Variants in GLIS1 observed in about 807,000 individuals in gnomAD.
The protein encoded by GLIS1 is GLIS family zinc finger 1.
In GLIS1, 24 loss-of-function variants were observed where a neutral mutation model predicts 63.8. The ratio of observed to expected loss-of-function variants is 0.38; its 90% CI spans 0.27 to 0.53. GLIS1 has a LOEUF of 0.53. Ranked by LOEUF, GLIS1 falls within the 20% of genes least tolerant of loss-of-function variation. GLIS1 has a pLI of 0.85. For synonymous variants in GLIS1, 450 were observed against 482.5 expected (o/e 0.93, Z 0.88); for missense variants, 1,036 against 1,074.1 (o/e 0.96, Z 0.50).
chr1:53,600,287 A>G lies in GLIS1; in HGVS notation c.260-9T>C. ...TCCGTAGCTCCCATTCACTAGGCAG[A>G]GAAAGACAGGGAGAGAGGGACACAG... On this transcript the variant is annotated splice_polypyrimidine_tract_variant and intron_variant, in intron 2 of 10. Coordinates refer to ENST00000628545, the MANE Select transcript of GLIS1 (RefSeq NM_001367484.1). 8.1e-7 allele frequency: 1 copy of G among 1,231,750 alleles called. No homozygotes were observed. Among genetic ancestry groups the G allele is most frequent in the Non-Finnish European group, 1.0e-6 (1 of 987,614 alleles). The allele number at this position is 1,231,750 out of a possible 1,614,324, so 76.3% of individuals were successfully genotyped here. A position where few individuals can be genotyped will look rare whatever the true frequency, so the allele number is the denominator to read the frequency against.
At chr1:53,537,712 A>G (rs1357157374) in intron 4 of GLIS1, among the ~76,000 whole-genome samples, 1 of 152,156 alleles carries the variant, frequency 6.6e-6, no homozygotes, top group African/African-American at 2.4e-5. Flanking sequence ...TCAGTTTCTC[A>G]TGCTCTAACT....
intron 3 of GLIS1, among the ~76,000 whole-genome samples, chr1:53,596,711 T>C (rs1645259000): frequency 6.6e-6 from 1 of 151,964 alleles, no homozygotes; most frequent in Non-Finnish European, 1.5e-5. Flanking sequence ...TCTGGCTCCC[T>C]GCAACTGGAG....
At position 53,511,506 on chromosome 1, in the gene GLIS1, T is replaced by C. The variant is rs1644297869; in HGVS notation, c.1884-1479A>G. On this transcript the variant is annotated intron_variant, in intron 8 of 10. Coordinates refer to ENST00000628545, the MANE Select transcript of GLIS1 (RefSeq NM_001367484.1). This position sits in a 1 kb window ranked among gnomAD's most constrained non-coding sequence, Gnocchi z 4.2. ...TCCACACGTGTGGGGCCCCCGTCAC[T>C]GTGAGCTCGCTGAGGACAGGGGAAG... Among the ~76,000 whole-genome samples, 1 of 152,140 alleles carries C rather than the reference T, an allele frequency of 6.6e-6. No individual in the cohort carries two copies.
chr1:53,703,978 C>T (rs111771613), intron 2 of GLIS1, among the ~76,000 whole-genome samples: 3 of 152,252 alleles, frequency 2.0e-5, no homozygotes, highest in African/African-American at 7.2e-5. Context: ...AAACCGCACA[C>T]ATTTAAGCCT....
intron 4 of GLIS1, among the ~76,000 whole-genome samples, chr1:53,580,182 C>T (rs1263548470): frequency 6.6e-6 from 1 of 152,148 alleles, no homozygotes; most frequent in Admixed American, 6.5e-5. Flanking sequence ...TCCCCACATT[C>T]TGTCTTCTGC....
chr1:53,657,509 G>T (rs190192344), intron 2 of GLIS1, among the ~76,000 whole-genome samples: 16 of 152,172 alleles, frequency 1.1e-4, no homozygotes, highest in Non-Finnish European at 2.1e-4. Flanking sequence ...TGCCTGTTAT[G>T]AGCCTGCCTT....
At chr1:53,653,851 C>T (rs898435159) in intron 2 of GLIS1, among the ~76,000 whole-genome samples, 3 of 152,184 alleles carry the variant, frequency 2.0e-5, no homozygotes, top group African/African-American at 7.2e-5. Flanking sequence ...CCTCCTCTGG[C>T]CCCCACCCTA....
chr1:53,516,659 A>G (rs1196242894), intron 7 of GLIS1, among the ~76,000 whole-genome samples: 1 of 152,052 alleles, frequency 6.6e-6, no homozygotes, highest in East Asian at 1.9e-4. Flanking sequence ...CCAAAAATAC[A>G]AAAATTAGTC....
At chr1:53,555,756 G>GCT in intron 4 of GLIS1, among the ~76,000 whole-genome samples, 1 of 150,892 alleles carries the variant, frequency 6.6e-6, no homozygotes, top group East Asian at 2.0e-4. Context: ...GTGTACTGCA[G>GCT]GTGTGTGTGT....
intron 4 of GLIS1, among the ~76,000 whole-genome samples, chr1:53,540,555 C>G (rs1486467912): frequency 2.0e-5 from 3 of 152,144 alleles, no homozygotes; most frequent in South Asian, 2.1e-4. Flanking sequence ...AGGACAGGTG[C>G]TCAGTAACAT....
intron 2 of GLIS1, among the ~76,000 whole-genome samples, chr1:53,728,068 G>A (rs937458703): frequency 6.6e-6 from 1 of 152,176 alleles, no homozygotes; most frequent in Admixed American, 6.5e-5. Flanking sequence ...CTTGGAGCCA[G>A]CCCTGTGCTG....
At chr1:53,619,524 C>T (rs1176526313) in intron 2 of GLIS1, among the ~76,000 whole-genome samples, 1 of 152,224 alleles carries the variant, frequency 6.6e-6, no homozygotes, top group African/African-American at 2.4e-5. Flanking sequence ...TTGCTAGATA[C>T]ATCAATCAGC....
At chr1:53,508,948 A>G (rs1282264713) in intron 10 of GLIS1, among the ~76,000 whole-genome samples, 172 bp downstream of exon 10, 2 of 152,246 alleles carry the variant, frequency 1.3e-5, no homozygotes, top group African/African-American at 2.4e-5. Context: ...AGGTACAGAC[A>G]GTTCTGCGGG....
In GLIS1 at chr1:53,586,324, T is replaced by C. The variant is rs148788033; in HGVS notation, c.1320+7784A>G. Among the ~76,000 whole-genome samples, 985 of 152,308 alleles carry C rather than the reference T, an allele frequency of 6.5e-3. 7 individuals carry two copies. The highest frequency in any genetic ancestry group is 0.023 in the African/African-American group (944 of 41,568). On this transcript the variant is annotated intron_variant, in intron 4 of 10. Transcript: ENST00000628545. ...AACACTGTCTACTGCAGACTCTGAC[T>C]GCTAGGCACTATCCCATTTCACAGT...
chr1:53,524,333 T>G (rs967594068), intron 6 of GLIS1, among the ~76,000 whole-genome samples: 1 of 152,240 alleles, frequency 6.6e-6, no homozygotes, highest in Non-Finnish European at 1.5e-5. Flanking sequence ...ATCTGTGCCC[T>G]GACTTTTCTC....
At position 53,517,172 on chromosome 1, in the gene GLIS1, T is replaced by C. The variant is rs1244555444; in HGVS notation, c.1727-2391A>G. Among the ~76,000 whole-genome samples, 4 of 152,052 alleles carry C rather than the reference T, an allele frequency of 2.6e-5. No individual in the cohort carries two copies. In the East Asian group the frequency reaches 7.7e-4, roughly 29 times the overall value. On this transcript the variant is annotated intron_variant, in intron 7 of 10. Coordinates refer to ENST00000628545, the MANE Select transcript of GLIS1 (RefSeq NM_001367484.1). ...CAAGCAGCAGAGAGAGAAAGTCCAC[T>C]TGAGGCCAGGGCTAGGAGTGGCTCC...
chr1:53,653,598 T>C (rs1569991748), intron 2 of GLIS1, among the ~76,000 whole-genome samples: 1 of 152,322 alleles, frequency 6.6e-6, no homozygotes, highest in East Asian at 1.9e-4. Flanking sequence ...TCTTCTTTCT[T>C]TCCTTCCCTC....
At chr1:53,698,439 C>T (rs1646489290) in intron 2 of GLIS1, among the ~76,000 whole-genome samples, 1 of 152,228 alleles carries the variant, frequency 6.6e-6, no homozygotes, top group African/African-American at 2.4e-5. Flanking sequence ...ACCCATGGTT[C>T]TCTCACTTAG....
chr1:53,620,922 A>G (rs1419013381), intron 2 of GLIS1, among the ~76,000 whole-genome samples: 1 of 152,218 alleles, frequency 6.6e-6, no homozygotes, highest in Non-Finnish European at 1.5e-5. Flanking sequence ...TCAGGCTACA[A>G]TAAGGCCCAT....
Sources: allele counts gnomAD v4.1 joint callset (sites outside exome capture counted in the v4.1 genomes callset), GRCh38; gene constraint gnomAD v4.1.1; non-coding constraint Gnocchi (gnomAD v3.1); transcripts MANE v1.5; gene names NCBI Gene and HGNC (gene_info 2026-07-23, HGNC 2026-07-21).